The following GRIN2B variants were observed in gnomAD, a reference collection of about 807,000 sequenced individuals.
The protein encoded by GRIN2B is glutamate receptor ionotropic, NMDA 2B.
GRIN2B carries 5 observed loss-of-function variants against 114.5 expected under a neutral mutation model. The ratio of observed to expected loss-of-function variants is 0.04; its 90% CI spans 0.02 to 0.09. The LOEUF (loss-of-function observed/expected upper bound fraction) is 0.09, where lower values mean the gene tolerates loss of function less well. Among genes scored for constraint, GRIN2B ranks in the 10% least tolerant of loss-of-function variants. The pLI, the probability that GRIN2B is intolerant of heterozygous loss-of-function variation, is 1.00. For missense variants in GRIN2B, 1,108 were observed against 1,943.5 expected (o/e 0.57, Z 8.08); for synonymous variants, 787 against 745.1 (o/e 1.06, Z -0.92).
At chr12:13,654,415 T>G (rs891167537) in intron 5 of GRIN2B, among the ~76,000 whole-genome samples, 2 of 152,176 alleles carry the variant, frequency 1.3e-5, no homozygotes, top group Non-Finnish European at 2.9e-5. Flanking sequence ...GTTTGCTTGT[T>G]TGTATATGAA....
chr12:13,829,429 G>C (rs942777624), intron 3 of GRIN2B, among the ~76,000 whole-genome samples: 4 of 152,186 alleles, frequency 2.6e-5, no homozygotes, highest in Admixed American at 2.6e-4. Context: ...AGAACATAGA[G>C]ATAGGCTTGT....
At chr12:13,752,300 A>G (rs1863495927) in intron 4 of GRIN2B, among the ~76,000 whole-genome samples, 1 of 152,216 alleles carries the variant, frequency 6.6e-6, no homozygotes. Context: ...TGTCCAACAC[A>G]TTGTTGAATG....
chr12:13,735,340 G>A (rs1863159709), intron 4 of GRIN2B, among the ~76,000 whole-genome samples: 2 of 152,162 alleles, frequency 1.3e-5, no homozygotes, highest in Non-Finnish European at 2.9e-5. Flanking sequence ...CATCCAATGC[G>A]ATGACTAGAC....
intron 2 of GRIN2B, among the ~76,000 whole-genome samples, chr12:13,960,557 C>T (rs1214222512): frequency 6.6e-6 from 1 of 151,984 alleles, no homozygotes; most frequent in Middle Eastern, 3.2e-3. Context: ...GGAGGAGACC[C>T]CAAAGCATCA....
chr12:13,717,244 A>G (rs1950463935), intron 4 of GRIN2B, among the ~76,000 whole-genome samples: 1 of 151,880 alleles, frequency 6.6e-6, no homozygotes, highest in South Asian at 2.1e-4. Flanking sequence ...TGGGATTCAT[A>G]ACTAGGTCTG....
chr12:13,785,141 T>C (rs993745533), intron 3 of GRIN2B, among the ~76,000 whole-genome samples: 3 of 152,236 alleles, frequency 2.0e-5, no homozygotes, highest in Admixed American at 1.3e-4. Context: ...AATTCAATTA[T>C]AACATGTCTG....
chr12:13,603,457 T>C (rs1331265535), intron 10 of GRIN2B, among the ~76,000 whole-genome samples: 2 of 152,132 alleles, frequency 1.3e-5, no homozygotes, highest in African/African-American at 4.8e-5. Flanking sequence ...GGGCAAATTA[T>C]TTAACCTCAC....
rs113206692 is a variant in GRIN2B, at chr12:13,714,117, G to A, written c.1011-38258C>T. Among the ~76,000 whole-genome samples the A allele has an allele frequency of 3.2e-3, 488 of 151,888 alleles. 6 individuals carry two copies. Among genetic ancestry groups the A allele is most frequent in the African/African-American group, 0.011 (460 of 41,484 alleles). On this transcript the variant is annotated intron_variant, in intron 4 of 13. Coordinates refer to ENST00000609686, the MANE Select transcript of GRIN2B (RefSeq NM_000834.5). The stretch of plus-strand genomic sequence containing the variant: ...AAAGTCTGTCTCTCAGGAAGTGGGA[G>A]GGCATAAGATTCTCTCCTTCCTGTC...
At chr12:13,952,918 G>A (rs1470232210) in intron 2 of GRIN2B, among the ~76,000 whole-genome samples, 1 of 151,332 alleles carries the variant, frequency 6.6e-6, no homozygotes, top group Non-Finnish European at 1.5e-5. Flanking sequence ...AAACTTGGTA[G>A]CATAAAATAA....
chr12:13,787,289 C>G (rs920477243), intron 3 of GRIN2B, among the ~76,000 whole-genome samples: 2 of 152,098 alleles, frequency 1.3e-5, no homozygotes, highest in African/African-American at 4.8e-5. Context: ...TTATCGGACA[C>G]GTATCATCAG....
intron 2 of GRIN2B, among the ~76,000 whole-genome samples, chr12:13,955,154 A>G (rs1867567514): frequency 6.6e-6 from 1 of 152,200 alleles, no homozygotes; most frequent in African/African-American, 2.4e-5. Context: ...TATTATAATA[A>G]ACTATAAACA....
At chr12:13,681,479 A>G in intron 4 of GRIN2B, among the ~76,000 whole-genome samples, 1 of 152,176 alleles carries the variant, frequency 6.6e-6, no homozygotes, top group East Asian at 1.9e-4. Flanking sequence ...CAGGCAAGGG[A>G]CAAATTCTTG....
At chr12:13,927,079 A>T (rs529988108) in intron 2 of GRIN2B, among the ~76,000 whole-genome samples, 8 of 152,326 alleles carry the variant, frequency 5.3e-5, no homozygotes, top group African/African-American at 1.9e-4. Context: ...AATAAGACAG[A>T]TAATAATATC....
At chr12:13,885,398 G>A (rs1866138530) in intron 2 of GRIN2B, among the ~76,000 whole-genome samples, 1 of 152,162 alleles carries the variant, frequency 6.6e-6, no homozygotes, top group Non-Finnish European at 1.5e-5. Flanking sequence ...GAGAGTGCAA[G>A]TATACATTCC....
chr12:13,722,148 G>T (rs1303288012), intron 4 of GRIN2B, among the ~76,000 whole-genome samples: 3 of 152,088 alleles, frequency 2.0e-5, no homozygotes, highest in African/African-American at 7.2e-5. Context: ...GGGTGAAAGA[G>T]GTGAGGAAGT....
chr12:13,885,333 G>A (rs980627798), intron 2 of GRIN2B, among the ~76,000 whole-genome samples: 2 of 152,114 alleles, frequency 1.3e-5, no homozygotes, highest in African/African-American at 4.8e-5. Flanking sequence ...TGAAAAATCT[G>A]ACTTAAGTGT....
rs1948496484 is a variant in GRIN2B at position 13,558,132 on chromosome 12, G to A, written c.*4651C>T. 6.6e-6 allele frequency: 1 copy of A among 152,216 alleles called. No individual in the cohort carries two copies. The highest frequency in any genetic ancestry group is 2.1e-4 in the South Asian group (1 of 4,822). 9.4% of individuals were successfully genotyped at this position (152,216 alleles called of 1,614,324 possible). A position where few individuals can be genotyped will look rare whatever the true frequency, so the allele number is the denominator to read the frequency against. On this transcript the variant is annotated 3_prime_UTR_variant, in exon 14 of 14. Coordinates refer to ENST00000609686, the MANE Select transcript of GRIN2B (RefSeq NM_000834.5). ...GAGGAAAAGTCTCTGACACCCAAGT[G>A]AAGAAAGCAAAAGCTCTGCTGTAGT...
At position 13,564,549 on chromosome 12, in the gene GRIN2B, T is replaced by C. The variant is rs537742688; in HGVS notation, c.2689A>G (p.Asn897Asp). The change falls in exon 14 of 14, where the codon AAC (asparagine) becomes GAC (aspartate). Residue 897 changes from asparagine (N) to aspartate (D), a missense_variant. Physicochemically the swap from Asn to Asp is conservative, Grantham distance 23 (BLOSUM62 1). Coordinates refer to ENST00000609686, the MANE Select transcript of GRIN2B (RefSeq NM_000834.5). The surrounding 1 kb of genome is among the most constrained non-coding windows in gnomAD (Gnocchi z 4.8). ...PTATMNNTHSNILRLLRTAKN... is the reference protein window; with the variant it reads ...PTATMNNTHSDILRLLRTAKN... ...GCCGTGCGCAGCAGGCGCAGGATGT[T>C]GGAGTGTGTGTTGTTCATGGTTGCG... The C allele has an allele frequency of 1.2e-6, 2 of 1,614,138 alleles. No homozygotes were observed. Among genetic ancestry groups the C allele is most frequent in the Non-Finnish European group, 1.7e-6 (2 of 1,180,012 alleles).
intron 3 of GRIN2B, among the ~76,000 whole-genome samples, chr12:13,761,582 A>G (rs1408777686): frequency 6.6e-6 from 1 of 152,222 alleles, no homozygotes; most frequent in East Asian, 1.9e-4. Context: ...GCCCCTTTGT[A>G]AGGTATCGGG....
Sources: gnomAD v4.1 joint callset for allele counts (sites outside exome capture counted in the v4.1 genomes callset) on GRCh38, gnomAD v4.1.1 for gene constraint, Gnocchi (gnomAD v3.1) non-coding constraint, MANE v1.5 for transcripts, NCBI Gene and HGNC (gene_info 2026-07-23, HGNC 2026-07-21) for gene names.